SEMA3A: variants seen among roughly 807,000 people sequenced by gnomAD.
SEMA3A encodes semaphorin-3A.
SEMA3A carries 29 observed loss-of-function variants against 97.9 expected under a neutral mutation model. The observed-to-expected ratio is 0.30, with a 90% CI of 0.22 to 0.40. The LOEUF is 0.40. Among genes scored for constraint, SEMA3A ranks in the 10% least tolerant of loss-of-function variants. SEMA3A has a pLI of 1.00. For synonymous variants in SEMA3A, 321 were observed against 323.7 expected, an observed-to-expected ratio of 0.99 and a Z score of 0.09; for missense variants, 763 against 951.3, an observed-to-expected ratio of 0.80 and a Z score of 2.60.
chr7:84,029,093 A>G (rs1791649022), intron 6 of SEMA3A, among the ~76,000 whole-genome samples: 1 of 152,346 alleles, frequency 6.6e-6, no homozygotes, highest in South Asian at 2.1e-4. Flanking sequence ...TGTTTCAAGG[A>G]AAGTGCTGGG....
At chr7:84,181,551 T>A (rs1584092832) in intron 1 of SEMA3A, among the ~76,000 whole-genome samples, 1 of 152,124 alleles carries the variant, frequency 6.6e-6, no homozygotes. Flanking sequence ...AGGAAAAAAA[T>A]TTGCCTTTTA....
At chr7:84,105,529 C>A (rs2115918854) in intron 4 of SEMA3A, among the ~76,000 whole-genome samples, 1 of 152,194 alleles carries the variant, frequency 6.6e-6, no homozygotes, top group South Asian at 2.1e-4. Context: ...TATCATAAAT[C>A]TCAATCATGA....
chr7:84,092,679 A>C (rs1794636999), intron 4 of SEMA3A, among the ~76,000 whole-genome samples: 1 of 152,100 alleles, frequency 6.6e-6, no homozygotes, highest in African/African-American at 2.4e-5. Flanking sequence ...TTATCTAGCA[A>C]ATTCCAGTAT....
At chr7:84,244,964 T>A (rs1229331413) in intron 3 of SEMA3A, among the ~76,000 whole-genome samples, 1 of 152,202 alleles carries the variant, frequency 6.6e-6, no homozygotes, top group African/African-American at 2.4e-5. Flanking sequence ...CCACTGTTAG[T>A]CTGATGGGCT....
intron 9 of SEMA3A, among the ~76,000 whole-genome samples, chr7:84,007,944 A>G (rs1443928890): frequency 6.6e-6 from 1 of 152,214 alleles, no homozygotes; most frequent in Non-Finnish European, 1.5e-5. Flanking sequence ...CTAGTACAAA[A>G]GATCGTGTCA....
intron 3 of SEMA3A, among the ~76,000 whole-genome samples, chr7:84,260,235 T>G (rs183192660): frequency 1.3e-5 from 2 of 152,200 alleles, no homozygotes; most frequent in Non-Finnish European, 2.9e-5. Flanking sequence ...ACTAGGTCAC[T>G]TTATGTCAAA....
intron 6 of SEMA3A, among the ~76,000 whole-genome samples, chr7:84,020,372 CT>C (rs1791284242): frequency 2.0e-5 from 3 of 151,540 alleles, no homozygotes; most frequent in Admixed American, 1.3e-4. Flanking sequence ...ACTTATTTCT[CT>C]TTGAGAACAT....
At chr7:84,315,439 A>G (rs1801472846) in intron 2 of SEMA3A, among the ~76,000 whole-genome samples, 1 of 152,192 alleles carries the variant, frequency 6.6e-6, no homozygotes, top group Admixed American at 6.5e-5. Context: ...AATAGCAGGT[A>G]TGATTATTAA....
chr7:83,995,300 T>G (rs1237259993), intron 12 of SEMA3A, among the ~76,000 whole-genome samples: 1 of 152,174 alleles, frequency 6.6e-6, no homozygotes, highest in East Asian at 1.9e-4. Flanking sequence ...CTGGGAGCTG[T>G]AGACCGAAGC....
At chr7:84,341,720 G>GT (rs1554367078) in intron 2 of SEMA3A, among the ~76,000 whole-genome samples, 1 of 152,068 alleles carries the variant, frequency 6.6e-6, no homozygotes, top group Non-Finnish European at 1.5e-5. Flanking sequence ...ATTCACTGTA[G>GT]TTGTCCTTTA....
intron 11 of SEMA3A, among the ~76,000 whole-genome samples, chr7:84,002,756 T>C (rs1212510589): frequency 6.6e-6 from 1 of 152,132 alleles, no homozygotes; most frequent in East Asian, 1.9e-4. Flanking sequence ...ATTAAGGAAA[T>C]TTAACATTCA....
At chr7:84,207,996 A>G (rs1319243818) in intron 3 of SEMA3A, among the ~76,000 whole-genome samples, 1 of 152,202 alleles carries the variant, frequency 6.6e-6, no homozygotes, top group Non-Finnish European at 1.5e-5. Flanking sequence ...ATGCACATGT[A>G]TGCATACCTA....
intron 6 of SEMA3A, among the ~76,000 whole-genome samples, chr7:84,025,271 G>T (rs1300237702): frequency 6.6e-6 from 1 of 152,008 alleles, no homozygotes; most frequent in African/African-American, 2.4e-5. Flanking sequence ...ACAGCCTCAG[G>T]CTTCAAAATA....
At chr7:84,315,864 T>C (rs10254820) in intron 2 of SEMA3A, among the ~76,000 whole-genome samples, 6,704 of 152,146 alleles carry the variant, frequency 0.044, 510 homozygotes, top group African/African-American at 0.15. Flanking sequence ...TAAATATATG[T>C]ATTGGATACA....
At chr7:84,104,172 A>T (rs1166726378) in intron 4 of SEMA3A, among the ~76,000 whole-genome samples, 1 of 152,152 alleles carries the variant, frequency 6.6e-6, no homozygotes, top group Non-Finnish European at 1.5e-5. Context: ...GTCATTCAAA[A>T]ATCAGATACT....
At chr7:84,069,596 T>C (rs1473756827) in intron 4 of SEMA3A, among the ~76,000 whole-genome samples, 1 of 152,104 alleles carries the variant, frequency 6.6e-6, no homozygotes, top group Non-Finnish European at 1.5e-5. Flanking sequence ...GAGAAGATAA[T>C]TGAAAAGGTT....
chr7:84,447,926 G>T (rs370169896), intron 1 of SEMA3A, among the ~76,000 whole-genome samples: 1 of 152,174 alleles, frequency 6.6e-6, no homozygotes, highest in Non-Finnish European at 1.5e-5. Context: ...AGACACAGTT[G>T]CCCACAGCAG....
intron 1 of SEMA3A, among the ~76,000 whole-genome samples, chr7:84,193,911 A>G (rs1193347744): frequency 6.6e-6 from 1 of 152,192 alleles, no homozygotes; most frequent in Non-Finnish European, 1.5e-5. Flanking sequence ...AGTCTTTTGT[A>G]CAATCATAAG....
intron 1 of SEMA3A, among the ~76,000 whole-genome samples, chr7:84,469,952 A>C (rs1001308971): frequency 1.3e-5 from 2 of 151,774 alleles, no homozygotes; most frequent in African/African-American, 4.8e-5. Context: ...ATATGAAATA[A>C]TGGTTATGTG....
Sources: gnomAD v4.1 joint callset for allele counts (sites outside exome capture counted in the v4.1 genomes callset) on GRCh38, gnomAD v4.1.1 for gene constraint, MANE v1.5 for transcripts, NCBI Gene and HGNC (gene_info 2026-07-23, HGNC 2026-07-21) for gene names.